The following ATL2 variants were observed in gnomAD, a reference collection of about 807,000 sequenced individuals.
The protein encoded by ATL2 is atlastin-2.
In ATL2, 31 loss-of-function variants were observed where a neutral mutation model predicts 73.9. The ratio of observed to expected loss-of-function variants is 0.42; its 90% CI spans 0.32 to 0.57. ATL2 has a LOEUF of 0.57. Ranked by LOEUF, ATL2 falls within the 20% of genes least tolerant of loss-of-function variation. ATL2 has a pLI of 0.14. For synonymous variants in ATL2, 291 were observed against 237.5 expected, an observed-to-expected ratio of 1.23 and a Z score of -2.07; for missense variants, 738 against 702.6, an observed-to-expected ratio of 1.05 and a Z score of -0.57.
intron 1 of ATL2, among the ~76,000 whole-genome samples, chr2:38,357,827 C>T (rs1375866352): frequency 6.6e-6 from 1 of 152,030 alleles, no homozygotes; most frequent in Non-Finnish European, 1.5e-5. Flanking sequence ...AAATTAGCCT[C>T]AATACTTAAA....
At chr2:38,327,271 A>G (rs954383167) in intron 2 of ATL2, among the ~76,000 whole-genome samples, 1 of 152,122 alleles carries the variant, frequency 6.6e-6, no homozygotes, top group African/African-American at 2.4e-5. Flanking sequence ...AGGTGGTTAT[A>G]GTATATAGAT....
chr2:38,310,473 A>C, intron 7 of ATL2, 26 bp from the exon 8 acceptor site: 2 of 1,574,296 alleles, frequency 1.3e-6, no homozygotes, highest in Non-Finnish European at 1.7e-6. Context: ...GACAGGTGAA[A>C]TTGTAAACAG....
chr2:38,370,448 C>CAAAAAAAAAAAA (rs55964015), intron 1 of ATL2, among the ~76,000 whole-genome samples: 1 of 55,188 alleles, frequency 1.8e-5, no homozygotes, highest in Non-Finnish European at 3.8e-5. Context: ...GACTCTGTCC[C>CAAAAAAAAAAAA]AAAAAAAAAA....
chr2:38,302,079 C>T lies in ATL2; in HGVS notation c.1072-1751G>A, dbSNP rs940127021. ...TCCCAGACAAGATTTCTAAACACAC[C>T]CTGGGCTGGAAGGGAACCCACTGTC... On this transcript the variant is annotated intron_variant, in intron 9 of 12. Transcript: ENST00000378954. Among the ~76,000 whole-genome samples, 11 of 152,254 alleles carry T rather than the reference C, an allele frequency of 7.2e-5. No individual in the cohort carries two copies. In the East Asian group the frequency reaches 2.1e-3, roughly 29 times the overall value.
intron 1 of ATL2, among the ~76,000 whole-genome samples, chr2:38,359,264 G>A (rs761701616): frequency 2.6e-5 from 4 of 152,058 alleles, no homozygotes; most frequent in Non-Finnish European, 5.9e-5. Flanking sequence ...GAGGTCAGGC[G>A]TTCCAGACCA....
chr2:38,312,580 G>T (rs1049721410), intron 7 of ATL2, among the ~76,000 whole-genome samples: 2 of 151,968 alleles, frequency 1.3e-5, no homozygotes, highest in African/African-American at 4.8e-5. Flanking sequence ...GCGTGGTGGC[G>T]GGCGCCTGTA....
At chr2:38,318,803 AG>A in intron 3 of ATL2, 81 bp downstream of exon 3, 1 of 1,473,316 alleles carries the variant, frequency 6.8e-7, no homozygotes, top group Non-Finnish European at 9.3e-7. Flanking sequence ...AAACATTAAT[AG>A]TTCTGTGTTG....
At chr2:38,370,138 G>A (rs1333675168) in intron 1 of ATL2, among the ~76,000 whole-genome samples, 1 of 132,514 alleles carries the variant, frequency 7.5e-6, no homozygotes, top group Admixed American at 7.8e-5. Flanking sequence ...CTGGGCGACA[G>A]CGAGACTCCG....
chr2:38,296,258 A>T, intron 12 of ATL2, 145 bp from the exon 13 acceptor site: 1 of 1,434,008 alleles, frequency 7.0e-7, no homozygotes, highest in African/African-American at 1.4e-5. Context: ...TCTCAAAAAA[A>T]CTTATGATGC....
intron 1 of ATL2, among the ~76,000 whole-genome samples, chr2:38,347,842 CT>C (rs1670116104): frequency 6.7e-6 from 1 of 148,970 alleles, no homozygotes; most frequent in East Asian, 2.0e-4. Context: ...TCTCGACTCA[CT>C]GCAACCTCTG....
chr2:38,344,410 G>T (rs891454558), intron 1 of ATL2, among the ~76,000 whole-genome samples: 6 of 152,184 alleles, frequency 3.9e-5, no homozygotes, highest in Non-Finnish European at 7.3e-5. Context: ...AGGAGTTCAA[G>T]ACCAGCCTGA....
At chr2:38,369,417 TG>T (rs1233887123) in intron 1 of ATL2, among the ~76,000 whole-genome samples, 37 of 151,980 alleles carry the variant, frequency 2.4e-4, no homozygotes, top group Non-Finnish European at 2.6e-4. Flanking sequence ...CACTCCAGCC[TG>T]GGCGACAGAG....
At position 38,329,402 on chromosome 2, in the gene ATL2, G is replaced by A. The variant is rs1668850691; in HGVS notation, c.364-10383C>T. Among the ~76,000 whole-genome samples the A allele has an allele frequency of 4.4e-5, 4 of 90,334 alleles. No homozygotes were observed. The Admixed American group carries it at 7.1e-4, about 16-fold the overall frequency. 59.3% of individuals were successfully genotyped at this position (90,334 alleles called of 152,430 possible). ...AAGATCATGCCACTGCACCCTAGGA[G>A]ACAGAGCAAGACTCCATCTCCAAAA... On this transcript the variant is annotated intron_variant, in intron 2 of 12. Transcript: ENST00000378954.
chr2:38,343,541 A>T, intron 1 of ATL2, 29 bp from the exon 2 acceptor site: 2 of 1,575,774 alleles, frequency 1.3e-6, no homozygotes, highest in Non-Finnish European at 8.6e-7. Flanking sequence ...GAAACTGGTT[A>T]CTTTAATCCC....
intron 1 of ATL2, among the ~76,000 whole-genome samples, chr2:38,374,935 G>A (rs1296377788): frequency 6.6e-6 from 1 of 152,128 alleles, no homozygotes; most frequent in Non-Finnish European, 1.5e-5. Flanking sequence ...TTCACTCAGG[G>A]TTTCTTTTCC....
intron 8 of ATL2, 141 bp downstream of exon 8, chr2:38,310,168 A>G (rs1667670055): frequency 5.4e-6 from 5 of 921,648 alleles, no homozygotes; most frequent in East Asian, 5.4e-5. Context: ...AACAACACAG[A>G]GCATTACAAC....
chr2:38,318,346 G>A (rs1050692857), intron 4 of ATL2, 189 bp downstream of exon 4: 9 of 399,118 alleles, frequency 2.3e-5, no homozygotes, highest in Middle Eastern at 6.1e-4. Flanking sequence ...GGGCATGGTG[G>A]CGGGGGCCTG....
chr2:38,323,111 G>T (rs1318554788), intron 2 of ATL2, among the ~76,000 whole-genome samples: 2 of 152,064 alleles, frequency 1.3e-5, no homozygotes, highest in Non-Finnish European at 2.9e-5. Context: ...GAATTTTAGT[G>T]GGAGCTAAAG....
chr2:38,312,723 A>AAACG (rs572171542), intron 7 of ATL2, among the ~76,000 whole-genome samples: 1 of 149,292 alleles, frequency 6.7e-6, no homozygotes, highest in African/African-American at 2.5e-5. Context: ...AAAAAAAAAA[A>AAACG]AAGAAGGTGC....
Sources: allele counts gnomAD v4.1 joint callset (sites outside exome capture counted in the v4.1 genomes callset), GRCh38; gene constraint gnomAD v4.1.1; transcripts MANE v1.5; gene names NCBI Gene and HGNC (gene_info 2026-07-23, HGNC 2026-07-21).